Variants in SHISA6 observed in about 807,000 individuals in gnomAD.
The protein encoded by SHISA6 is protein shisa-6.
SHISA6 carries 22 observed loss-of-function variants against 47.9 expected under a neutral mutation model. The ratio of observed to expected loss-of-function variants is 0.46; its 90% confidence interval spans 0.33 to 0.66. The LOEUF (loss-of-function observed/expected upper bound fraction) is 0.66. Among genes scored for constraint, SHISA6 ranks in the 30% least tolerant of loss-of-function variants. SHISA6 has a pLI of 0.02. For synonymous variants in SHISA6, 388 were observed against 337.8 expected (o/e 1.15, Z -1.63); for missense variants, 680 against 764.6 (o/e 0.89, Z 1.30).
chr17:11,260,869 C>T (rs528970186), intron 1 of SHISA6, among the ~76,000 whole-genome samples: 2 of 152,196 alleles, frequency 1.3e-5, no homozygotes, highest in East Asian at 3.9e-4. Context: ...TACTGTCTCA[C>T]TCTCCCTGTT....
At chr17:11,277,318 A>ACCCC (rs1555525234) in intron 2 of SHISA6, among the ~76,000 whole-genome samples, 26 of 128,084 alleles carry the variant, frequency 2.0e-4, no homozygotes, top group African/African-American at 7.7e-4. Flanking sequence ...ACACACACAC[A>ACCCC]CCCCGCATGT....
intron 2 of SHISA6, among the ~76,000 whole-genome samples, chr17:11,284,206 A>G (rs928512295): frequency 6.6e-6 from 1 of 152,164 alleles, no homozygotes; most frequent in African/African-American, 2.4e-5. Flanking sequence ...AGAAAACTGA[A>G]GACTTTATTT....
intron 3 of SHISA6, among the ~76,000 whole-genome samples, chr17:11,406,232 A>G (rs1275671712): frequency 1.3e-5 from 2 of 152,114 alleles, no homozygotes; most frequent in East Asian, 3.9e-4. Context: ...TCTCACTCAC[A>G]CATCCCCTCT....
At chr17:11,458,971 C>T (rs572148318) in intron 3 of SHISA6, among the ~76,000 whole-genome samples, 9 of 151,970 alleles carry the variant, frequency 5.9e-5, no homozygotes, top group Admixed American at 4.6e-4. Flanking sequence ...TTTGGGAGGC[C>T]GAGGCAGGCG....
intron 3 of SHISA6, among the ~76,000 whole-genome samples, chr17:11,535,727 G>T (rs2071780643): frequency 6.6e-6 from 1 of 152,146 alleles, no homozygotes. Context: ...TTGAATTCAG[G>T]TTCAGCTACT....
At chr17:11,321,787 C>A (rs1041787721) in intron 2 of SHISA6, among the ~76,000 whole-genome samples, 2 of 152,192 alleles carry the variant, frequency 1.3e-5, no homozygotes, top group African/African-American at 4.8e-5. Context: ...CTGTGGCCCA[C>A]AGGCTGCATG....
chr17:11,506,882 G>A (rs920926338), intron 3 of SHISA6, among the ~76,000 whole-genome samples: 1 of 152,222 alleles, frequency 6.6e-6, no homozygotes, highest in Admixed American at 6.5e-5. Flanking sequence ...TAGGGAGATT[G>A]ACAGGAAGGA....
intron 3 of SHISA6, among the ~76,000 whole-genome samples, chr17:11,505,892 G>A (rs1043252465): frequency 1.3e-5 from 2 of 152,150 alleles, no homozygotes; most frequent in African/African-American, 4.8e-5. Flanking sequence ...GGCATATACT[G>A]TATACCACAA....
intron 1 of SHISA6, among the ~76,000 whole-genome samples, chr17:11,248,897 T>C (rs562709994): frequency 1.3e-5 from 2 of 152,106 alleles, no homozygotes; most frequent in Non-Finnish European, 2.9e-5. Context: ...CCCAGCACTT[T>C]GGGAGGCCGA....
At chr17:11,294,446 A>C (rs530731014) in intron 2 of SHISA6, among the ~76,000 whole-genome samples, 1 of 152,220 alleles carries the variant, frequency 6.6e-6, no homozygotes, top group Admixed American at 6.5e-5. Context: ...GGGCAGGGAG[A>C]AGGTAGCAGC....
chr17:11,305,397 G>A (rs1910076074), intron 2 of SHISA6, among the ~76,000 whole-genome samples: 1 of 152,230 alleles, frequency 6.6e-6, no homozygotes, highest in South Asian at 2.1e-4. Flanking sequence ...TGCACAGGAA[G>A]AGGGGGAGCA....
chr17:11,520,627 C>T (rs879858446), intron 3 of SHISA6, among the ~76,000 whole-genome samples: 1 of 152,152 alleles, frequency 6.6e-6, no homozygotes, highest in Non-Finnish European at 1.5e-5. Flanking sequence ...TTTCCTACGT[C>T]AGGGGCCTTT....
intron 3 of SHISA6, among the ~76,000 whole-genome samples, chr17:11,419,154 C>T (rs1033753541): frequency 6.6e-6 from 1 of 151,732 alleles, no homozygotes; most frequent in Non-Finnish European, 1.5e-5. Context: ...CAACGTGGCA[C>T]ATGTATACAT....
chr17:11,439,053 T>C (rs79738608), intron 3 of SHISA6, among the ~76,000 whole-genome samples: 10 of 152,042 alleles, frequency 6.6e-5, no homozygotes, highest in Non-Finnish European at 1.5e-4. Flanking sequence ...GGGGAGTTAA[T>C]TACACCTCAG....
intron 2 of SHISA6, among the ~76,000 whole-genome samples, chr17:11,320,280 C>G (rs575445269): frequency 2.0e-5 from 3 of 152,152 alleles, no homozygotes; most frequent in African/African-American, 4.8e-5. Context: ...TAAGCTGTTT[C>G]AGAGAAATTG....
At chr17:11,516,545 G>A (rs2071587376) in intron 3 of SHISA6, among the ~76,000 whole-genome samples, 1 of 152,260 alleles carries the variant, frequency 6.6e-6, no homozygotes, top group East Asian at 1.9e-4. Flanking sequence ...TCTCAGGGAG[G>A]AGGACCCCAA....
At chr17:11,423,711 T>G (rs1335608500) in intron 3 of SHISA6, among the ~76,000 whole-genome samples, 1 of 151,980 alleles carries the variant, frequency 6.6e-6, no homozygotes, top group African/African-American at 2.4e-5. Flanking sequence ...GCAAAATAAG[T>G]AAGACTTCTA....
chr17:11,421,661 C>A (rs1172694440), intron 3 of SHISA6, among the ~76,000 whole-genome samples: 1 of 152,214 alleles, frequency 6.6e-6, no homozygotes. Flanking sequence ...ACTTTTGCCT[C>A]AGAGGCCTTC....
In SHISA6 at chr17:11,241,509, C is replaced by A. The variant is rs138088998; in HGVS notation, c.87C>A (p.Arg29=). Residue 29 remains arginine (R), a synonymous_variant, in exon 1 of 6, where the codon CGC becomes CGA. Coordinates refer to ENST00000441885, the MANE Select transcript of SHISA6 (RefSeq NM_207386.4). This position sits in a 1 kb window ranked among gnomAD's most constrained non-coding sequence, Gnocchi z 5.5. ...CCAGCGTCCACGGAGCCCGCGGCCG[C>A]GCCGCCAACCGGACCCTGAGTGCAG... is the stretch of plus-strand genomic sequence containing the variant. ...LLPSVHGARG[R]AANRTLSAGG... 3.5e-6 allele frequency: 4 copies of A among 1,149,216 alleles called. No homozygotes were observed. The highest frequency in any genetic ancestry group is 3.2e-6 in the Non-Finnish European group (3 of 929,630). 71.2% of individuals were successfully genotyped at this position (1,149,216 alleles called of 1,614,324 possible). A position where few individuals can be genotyped will look rare whatever the true frequency, so the allele number is the denominator to read the frequency against.
Sources: gnomAD v4.1 joint callset for allele counts (sites outside exome capture counted in the v4.1 genomes callset) on GRCh38, gnomAD v4.1.1 for gene constraint, Gnocchi (gnomAD v3.1) non-coding constraint, MANE v1.5 for transcripts, NCBI Gene and HGNC (gene_info 2026-07-23, HGNC 2026-07-21) for gene names.